The following CDCP1 variants were observed in gnomAD, a reference collection of about 807,000 sequenced individuals.
The protein encoded by CDCP1 is CUB domain containing protein 1.
In CDCP1, 29 loss-of-function variants were observed where a neutral mutation model predicts 60.2. That is an observed-to-expected ratio of 0.48 (90% CI 0.36 to 0.66). CDCP1 has a LOEUF of 0.66. Ranked by LOEUF, CDCP1 falls within the 30% of genes least tolerant of loss-of-function variation. The pLI is 0.00. For missense variants in CDCP1, 876 were observed against 1,074.3 expected (o/e 0.82, Z 2.58); for synonymous variants, 387 against 431.1 (o/e 0.90, Z 1.27).
In CDCP1 at chr3:45,146,280, C is replaced by A; in HGVS notation, c.8G>T (p.Gly3Val). ...TGCGATAGAGACCCCGCAGTTCAGG[C>A]CGGCCATGACTCCGGGACGCCTCGG... MA[G>V]LNCGVSIALL... Residue 3 changes from glycine (G) to valine (V), a missense_variant, in exon 1 of 9, where the codon GGC (glycine) becomes GTC (valine). Around this residue, in one of 2 missense-constraint regions of CDCP1, gnomAD observed 150 missense variants for 138.6 expected, o/e 1.08. Coordinates refer to ENST00000296129, the MANE Select transcript of CDCP1 (RefSeq NM_022842.5). The A allele has an allele frequency of 6.3e-7, 1 of 1,581,060 alleles. No individual in the cohort carries two copies. Among genetic ancestry groups the A allele is most frequent in the Non-Finnish European group, 8.6e-7 (1 of 1,167,118 alleles).
chr3:45,122,050 T>G (rs765955404), intron 1 of CDCP1, among the ~76,000 whole-genome samples: 1 of 152,144 alleles, frequency 6.6e-6, no homozygotes, highest in Non-Finnish European at 1.5e-5. Flanking sequence ...TCAGTTCTTC[T>G]CTGTTGTTTG....
chr3:45,120,442 C>A (rs567888454), intron 1 of CDCP1, among the ~76,000 whole-genome samples: 14 of 152,266 alleles, frequency 9.2e-5, no homozygotes, highest in African/African-American at 2.9e-4. Context: ...CCTCTTTGGG[C>A]CTCTGTTCCT....
At chr3:45,116,239 T>A (rs60523802) in intron 2 of CDCP1, among the ~76,000 whole-genome samples, 116,048 of 144,340 alleles carry the variant, frequency 0.8, 46,747 homozygotes, top group East Asian at 0.86. Flanking sequence ...ACTGTTCTGT[T>A]AAAAAAAAAA....
chr3:45,098,934 A>G (rs1300533241), intron 4 of CDCP1, among the ~76,000 whole-genome samples: 1 of 152,106 alleles, frequency 6.6e-6, no homozygotes, highest in Non-Finnish European at 1.5e-5. Context: ...AATAAATTTG[A>G]AAACATTAGG....
intron 4 of CDCP1, among the ~76,000 whole-genome samples, chr3:45,109,730 T>C (rs1201920516): frequency 1.3e-5 from 2 of 152,012 alleles, no homozygotes; most frequent in African/African-American, 4.8e-5. Flanking sequence ...TACATGACCC[T>C]GAGAGTGGGT....
intron 1 of CDCP1, among the ~76,000 whole-genome samples, chr3:45,130,266 C>T (rs952360505): frequency 2.0e-5 from 3 of 151,398 alleles, no homozygotes; most frequent in African/African-American, 7.3e-5. Context: ...GGACCTCAAA[C>T]GCATGCCACC....
intron 1 of CDCP1, 125 bp downstream of exon 1, chr3:45,146,081 C>A: frequency 1.2e-6 from 1 of 865,520 alleles, no homozygotes; most frequent in Non-Finnish European, 1.7e-6. Flanking sequence ...TACGCCGTCC[C>A]CGCCCTCTCT....
chr3:45,098,996 T>C (rs1261624148), intron 4 of CDCP1, among the ~76,000 whole-genome samples: 2 of 152,322 alleles, frequency 1.3e-5, no homozygotes, highest in East Asian at 3.9e-4. Flanking sequence ...AATGCTCTAA[T>C]CTAAAGGGGC....
chr3:45,095,302 G>C, intron 5 of CDCP1, 45 bp downstream of exon 5: 4 of 1,558,124 alleles, frequency 2.6e-6, no homozygotes, highest in Non-Finnish European at 3.5e-6. Flanking sequence ...GGGGAGAGAA[G>C]AGCTATCCAT....
At chr3:45,106,564 C>T (rs952988257) in intron 4 of CDCP1, among the ~76,000 whole-genome samples, 8 of 152,118 alleles carry the variant, frequency 5.3e-5, no homozygotes, top group Admixed American at 2.0e-4. Context: ...TGGAATGTGT[C>T]GGAAGCTGTG....
At chr3:45,114,956 CTG>C (rs77508583) in intron 2 of CDCP1, among the ~76,000 whole-genome samples, 29,145 of 152,080 alleles carry the variant, frequency 0.19, 3,331 homozygotes, top group South Asian at 0.4. Context: ...GATTGAGAGA[CTG>C]AATGCATTCA....
intron 1 of CDCP1, among the ~76,000 whole-genome samples, chr3:45,122,060 G>A (rs578098328): frequency 6.6e-6 from 1 of 152,028 alleles, no homozygotes; most frequent in East Asian, 1.9e-4. Flanking sequence ...TCTGTTGTTT[G>A]GCCAGGTTAG....
At chr3:45,110,341 T>C in intron 4 of CDCP1, 132 bp downstream of exon 4, 1 of 1,453,766 alleles carries the variant, frequency 6.9e-7, no homozygotes, top group Non-Finnish European at 9.1e-7. Context: ...CTGAAACTCT[T>C]GCTGGGTCCA....
intron 1 of CDCP1, among the ~76,000 whole-genome samples, chr3:45,134,848 T>TA (rs1245333475): frequency 6.6e-6 from 1 of 152,154 alleles, no homozygotes; most frequent in African/African-American, 2.4e-5. Context: ...CAGGAGGTAT[T>TA]ATGTCAATGA....
intron 5 of CDCP1, among the ~76,000 whole-genome samples, chr3:45,094,205 G>T (rs1270848492): frequency 6.7e-6 from 1 of 148,946 alleles, no homozygotes; most frequent in Admixed American, 6.9e-5. Context: ...GGTGGCTGTT[G>T]GTTTACTGGC....
In CDCP1 at chr3:45,096,372, C is replaced by T. The variant is rs532572848; in HGVS notation, c.1025-804G>A. On this transcript the variant is annotated intron_variant, in intron 4 of 8. Coordinates refer to ENST00000296129, the MANE Select transcript of CDCP1 (RefSeq NM_022842.5). ...GGGCACAGTGGCTCACGCTTGTAAT[C>T]CTAGCACTTTGGGAGGCCGAGGCGG... Among the ~76,000 whole-genome samples, 5 of 152,218 alleles carry T rather than the reference C, an allele frequency of 3.3e-5. No homozygotes were observed. In the South Asian group the frequency reaches 1.0e-3, roughly 32 times the overall value.
intron 4 of CDCP1, among the ~76,000 whole-genome samples, chr3:45,099,006 C>G (rs1341799954): frequency 6.6e-6 from 1 of 152,084 alleles, no homozygotes; most frequent in East Asian, 1.9e-4. Context: ...TCTAAAGGGG[C>G]TGCTCTTGAT....
intron 3 of CDCP1, among the ~76,000 whole-genome samples, chr3:45,111,078 T>C (rs886787187): frequency 2.6e-5 from 4 of 152,292 alleles, no homozygotes; most frequent in Middle Eastern, 3.4e-3. Flanking sequence ...CCCTGACTTA[T>C]AGCGTCTGCC....
chr3:45,096,116 A>T (rs1193867606), intron 4 of CDCP1, among the ~76,000 whole-genome samples: 2 of 152,256 alleles, frequency 1.3e-5, no homozygotes, highest in Non-Finnish European at 2.9e-5. Context: ...CCTTTGGCAC[A>T]CGGCCAGTGG....
Sources: allele counts gnomAD v4.1 joint callset (sites outside exome capture counted in the v4.1 genomes callset), GRCh38; gene constraint gnomAD v4.1.1; regional missense constraint gnomAD v4.1.1; transcripts MANE v1.5; gene names NCBI Gene and HGNC (gene_info 2026-07-23, HGNC 2026-07-21).